The following KDM4C variants were observed in gnomAD, a reference collection of about 807,000 sequenced individuals.
The protein encoded by KDM4C is lysine demethylase 4C, also known as lysine-specific demethylase 4C.
Under a neutral mutation model 129.3 loss-of-function variants are expected in KDM4C, and 81 were observed. The ratio of observed to expected loss-of-function variants is 0.63; its 90% CI spans 0.52 to 0.75. The LOEUF (loss-of-function observed/expected upper bound fraction) is 0.75, where lower values mean the gene tolerates loss of function less well. KDM4C is among the 30% of genes least tolerant of loss of function. KDM4C has a pLI of 0.00. For synonymous variants in KDM4C, 573 were observed against 456.1 expected, an observed-to-expected ratio of 1.26 and a Z score of -3.26; for missense variants, 1,457 against 1,304.0, an observed-to-expected ratio of 1.12 and a Z score of -1.81.
chr9:7,070,629 A>G (rs1274736676), intron 17 of KDM4C, among the ~76,000 whole-genome samples: 1 of 152,216 alleles, frequency 6.6e-6, no homozygotes, highest in East Asian at 1.9e-4. Flanking sequence ...AATATACTGG[A>G]GAAAAAAACA....
chr9:7,040,631 T>TC (rs200227012), intron 15 of KDM4C, among the ~76,000 whole-genome samples: 2 of 151,354 alleles, frequency 1.3e-5, no homozygotes, highest in African/African-American at 2.4e-5. Flanking sequence ...CTATTTTTCC[T>TC]TTTTTTTTAA....
chr9:7,079,867 C>G (rs1049570557), intron 17 of KDM4C, among the ~76,000 whole-genome samples: 2 of 152,144 alleles, frequency 1.3e-5, no homozygotes, highest in African/African-American at 4.8e-5. Context: ...CTTTCCCAAG[C>G]TTGATCTGCA....
intron 8 of KDM4C, among the ~76,000 whole-genome samples, chr9:6,967,264 A>C (rs1417579194): frequency 6.6e-6 from 1 of 151,812 alleles, no homozygotes; most frequent in African/African-American, 2.4e-5. Flanking sequence ...TCTCTATTAA[A>C]AATACAAATA....
intron 5 of KDM4C, among the ~76,000 whole-genome samples, chr9:6,850,392 A>G (rs1175550818): frequency 6.6e-6 from 1 of 152,186 alleles, no homozygotes; most frequent in Non-Finnish European, 1.5e-5. Flanking sequence ...TCCTGGGTGT[A>G]GTTTCAAACC....
At chr9:6,989,830 A>G (rs535423173) in intron 11 of KDM4C, among the ~76,000 whole-genome samples, 207 of 152,272 alleles carry the variant, frequency 1.4e-3, no homozygotes, top group African/African-American at 4.8e-3. Context: ...GCTGTTGTGC[A>G]GTGGCTTGAT....
chr9:7,019,699 A>ATATTTTTATATATAAAAATATAT (rs1824328398), intron 15 of KDM4C, among the ~76,000 whole-genome samples: 1 of 106,466 alleles, frequency 9.4e-6, no homozygotes, highest in African/African-American at 4.3e-5. Context: ...TAAAAATATA[A>ATATTTTTATATATAAAAATATAT]TATTTTTATA....
rs1345992659 is a variant in KDM4C, at chr9:6,980,958, A to G, written c.955A>G (p.Met319Val). The change falls in exon 9 of 22, where the codon ATG becomes GTG. Residue 319 changes from methionine (M) to valine (V), a missense_variant. Met to Val is a conservative substitution (Grantham distance 21). Coordinates refer to ENST00000381309, the MANE Select transcript of KDM4C (RefSeq NM_015061.6). ...CAGGAAAGACATGGTGAAGATTTCA[A>G]TGGATATCTTTGTGAGGAAATTTCA... ...TCRKDMVKISMDIFVRKFQPD... is the reference protein window; with the variant it reads ...TCRKDMVKISVDIFVRKFQPD... The G allele has an allele frequency of 1.1e-5, 17 of 1,613,800 alleles. No individual in the cohort carries two copies. The highest frequency in any genetic ancestry group is 6.7e-5 in the East Asian group (3 of 44,882).
At chr9:7,154,995 G>T (rs1377723329) in intron 19 of KDM4C, among the ~76,000 whole-genome samples, 1 of 152,166 alleles carries the variant, frequency 6.6e-6, no homozygotes, top group Non-Finnish European at 1.5e-5. Context: ...TTCCAGCAAA[G>T]GTGTTTACTT....
At chr9:6,984,489 G>A in intron 10 of KDM4C, 85 bp downstream of exon 10, 2 of 844,202 alleles carry the variant, frequency 2.4e-6, no homozygotes, top group Non-Finnish European at 2.0e-6. Context: ...ACTATGACAA[G>A]TATCTGACTA....
chr9:7,107,422 A>G (rs577115814), intron 18 of KDM4C, among the ~76,000 whole-genome samples: 2 of 152,382 alleles, frequency 1.3e-5, no homozygotes, highest in South Asian at 2.1e-4. Context: ...TGAGTAAACT[A>G]GACAGATGCC....
intron 5 of KDM4C, among the ~76,000 whole-genome samples, chr9:6,859,343 C>T (rs949492027): frequency 1.3e-5 from 2 of 151,830 alleles, no homozygotes; most frequent in Non-Finnish European, 2.9e-5. Flanking sequence ...GACGTAGTGG[C>T]CCACGCCTGT....
chr9:6,732,783 T>C (rs1039063726), intron 1 of KDM4C, among the ~76,000 whole-genome samples: 3 of 151,968 alleles, frequency 2.0e-5, no homozygotes, highest in South Asian at 2.1e-4. Context: ...GAGGCCGAGA[T>C]GGGCAGATCA....
At chr9:6,983,838 G>A (rs1449502627) in intron 9 of KDM4C, among the ~76,000 whole-genome samples, 1 of 151,418 alleles carries the variant, frequency 6.6e-6, no homozygotes, top group Non-Finnish European at 1.5e-5. Context: ...TTTTATTTCT[G>A]TCTCATTTCA....
chr9:6,808,811 C>G (rs1830618921), intron 3 of KDM4C, among the ~76,000 whole-genome samples: 1 of 151,476 alleles, frequency 6.6e-6, no homozygotes, highest in Non-Finnish European at 1.5e-5. Context: ...AGCTCTACTT[C>G]TTGAAGGGAG....
intron 12 of KDM4C, among the ~76,000 whole-genome samples, chr9:6,995,881 C>T (rs770138287): frequency 2.9e-5 from 4 of 137,552 alleles, no homozygotes; most frequent in Non-Finnish European, 3.3e-5. Context: ...CTGTGTTAGC[C>T]AGGATGGTCT....
intron 7 of KDM4C, among the ~76,000 whole-genome samples, chr9:6,889,251 G>GTGTGT (rs61683546): frequency 2.9e-5 from 4 of 137,980 alleles, no homozygotes; most frequent in Admixed American, 1.4e-4. Flanking sequence ...GTGTGTGTGT[G>GTGTGT]GGAGGGTGGG....
intron 8 of KDM4C, among the ~76,000 whole-genome samples, chr9:6,964,271 G>T (rs1372046922): frequency 1.3e-5 from 2 of 149,244 alleles, no homozygotes; most frequent in African/African-American, 5.0e-5. Context: ...CCAGGTGTGT[G>T]ATATTCCCCA....
rs966852347 is a variant in KDM4C at position 6,758,359 on chromosome 9, G to A, written c.-18+156G>A. Among the ~76,000 whole-genome samples the A allele has an allele frequency of 6.6e-6, 1 of 152,106 alleles. No homozygotes were observed. The highest frequency in any genetic ancestry group is 2.4e-5 in the African/African-American group (1 of 41,450). On this transcript the variant is annotated intron_variant, in intron 1 of 21. Coordinates refer to ENST00000381309, the MANE Select transcript of KDM4C (RefSeq NM_015061.6). The surrounding 1 kb of genome is among the most constrained non-coding windows in gnomAD (Gnocchi z 4.6). Reference sequence around the variant, plus strand: ...CGCTCCGTCCGTGACTGCAGCGACTGTCAAGCTGGGGAGGGAGCGGCCGGC... The same window carrying A: ...CGCTCCGTCCGTGACTGCAGCGACTATCAAGCTGGGGAGGGAGCGGCCGGC...
chr9:7,057,238 G>A (rs1352306972), intron 17 of KDM4C, among the ~76,000 whole-genome samples: 1 of 152,174 alleles, frequency 6.6e-6, no homozygotes, highest in East Asian at 1.9e-4. Context: ...TTTCACTGTG[G>A]TATATTTTAG....
Sources: allele counts gnomAD v4.1 joint callset (sites outside exome capture counted in the v4.1 genomes callset), GRCh38; gene constraint gnomAD v4.1.1; non-coding constraint Gnocchi (gnomAD v3.1); transcripts MANE v1.5; gene names NCBI Gene and HGNC (gene_info 2026-07-23, HGNC 2026-07-21).